Variants in SLC25A21 observed in about 807,000 individuals in gnomAD.
SLC25A21 encodes solute carrier family 25 member 21.
A neutral mutation model predicts 43.8 loss-of-function variants in SLC25A21; 47 were observed. That is an observed-to-expected ratio of 1.07 (90% CI 0.85 to 1.37). SLC25A21 has a LOEUF of 1.37. Among genes scored for constraint, SLC25A21 ranks in the 40% most tolerant of loss-of-function variants. The probability of loss-of-function intolerance (pLI) is 0.00; values close to 1 mark genes in which losing one functional copy is unlikely to be tolerated. For synonymous variants in SLC25A21, 131 were observed against 121.3 expected (o/e 1.08, Z -0.52); for missense variants, 352 against 350.2 (o/e 1.00, Z -0.04).
chr14:36,915,764 T>C (rs1891814349), intron 1 of SLC25A21, among the ~76,000 whole-genome samples: 1 of 152,170 alleles, frequency 6.6e-6, no homozygotes, highest in Non-Finnish European at 1.5e-5. Context: ...GAGGTCAACA[T>C]TCTGTCTCAA....
chr14:36,994,186 C>T (rs1441121467), intron 1 of SLC25A21, among the ~76,000 whole-genome samples: 1 of 152,020 alleles, frequency 6.6e-6, no homozygotes, highest in Non-Finnish European at 1.5e-5. Flanking sequence ...GATGTCTTTC[C>T]CCAAACTACT....
chr14:36,904,353 T>C (rs1283292377), intron 1 of SLC25A21, among the ~76,000 whole-genome samples: 2 of 152,226 alleles, frequency 1.3e-5, no homozygotes, highest in African/African-American at 2.4e-5. Context: ...AAGAAAATTA[T>C]AAAATACAGA....
At chr14:36,979,351 T>C (rs1959964397) in intron 1 of SLC25A21, among the ~76,000 whole-genome samples, 3 of 149,316 alleles carry the variant, frequency 2.0e-5, no homozygotes, top group South Asian at 4.2e-4. Context: ...TTTACTGTTT[T>C]TGTTTGTTTG....
chr14:36,936,656 T>C (rs972025557), intron 1 of SLC25A21, among the ~76,000 whole-genome samples: 1 of 152,202 alleles, frequency 6.6e-6, no homozygotes, highest in Non-Finnish European at 1.5e-5. Flanking sequence ...TTGAATTTCA[T>C]TGGGTTTTAA....
At chr14:36,703,023 T>A (rs1883349387) in intron 7 of SLC25A21, among the ~76,000 whole-genome samples, 1 of 152,202 alleles carries the variant, frequency 6.6e-6, no homozygotes. Flanking sequence ...ATTTTATAGA[T>A]AATAGGTACT....
chr14:36,857,609 C>G (rs1486656851), intron 2 of SLC25A21, among the ~76,000 whole-genome samples: 1 of 152,224 alleles, frequency 6.6e-6, no homozygotes, highest in East Asian at 1.9e-4. Flanking sequence ...TTTACTTTAT[C>G]TCTGGTGATG....
chr14:36,721,428 C>T (rs1194768616), intron 6 of SLC25A21, among the ~76,000 whole-genome samples: 2 of 152,156 alleles, frequency 1.3e-5, no homozygotes, highest in South Asian at 2.1e-4. Flanking sequence ...CCAACCACTA[C>T]ACAGATGCCT....
chr14:36,687,566 G>A (rs992175930), intron 7 of SLC25A21, among the ~76,000 whole-genome samples: 3 of 152,182 alleles, frequency 2.0e-5, no homozygotes, highest in Non-Finnish European at 4.4e-5. Flanking sequence ...GGATGGCCAT[G>A]AGGCTATCAC....
chr14:36,730,206 T>C (rs1196759946), intron 4 of SLC25A21, among the ~76,000 whole-genome samples: 1 of 152,232 alleles, frequency 6.6e-6, no homozygotes, highest in African/African-American at 2.4e-5. Flanking sequence ...CGTGAAGGTA[T>C]TGTTGGTTTC....
chr14:36,885,630 G>T (rs895841222), intron 1 of SLC25A21, among the ~76,000 whole-genome samples: 1 of 152,244 alleles, frequency 6.6e-6, no homozygotes, highest in Admixed American at 6.5e-5. Context: ...TTGTCTTCAT[G>T]ATACTGTTTT....
In SLC25A21 at chr14:37,054,817, G is replaced by A. The variant is rs777284677; in HGVS notation, c.70+117464C>T. ...AACAATTTCTGATCCCCAATCTCTCGCAGCAAAATAATCTCAAAATTATGA... is the reference window on the plus strand; with the variant it reads ...AACAATTTCTGATCCCCAATCTCTCACAGCAAAATAATCTCAAAATTATGA... On this transcript the variant is annotated intron_variant, in intron 1 of 9. Transcript: ENST00000331299. Among the ~76,000 whole-genome samples, 120 of 152,212 alleles carry A rather than the reference G, an allele frequency of 7.9e-4. 1 individual carries two copies. The highest frequency in any genetic ancestry group is 7.2e-4 in the Admixed American group (11 of 15,292).
intron 2 of SLC25A21, among the ~76,000 whole-genome samples, chr14:36,824,914 T>C (rs1888770149): frequency 6.6e-6 from 1 of 150,822 alleles, no homozygotes; most frequent in Admixed American, 6.6e-5. Flanking sequence ...GGGTATAGAC[T>C]ATGAATGGAG....
intron 3 of SLC25A21, among the ~76,000 whole-genome samples, chr14:36,802,369 A>C (rs897600612): frequency 6.6e-6 from 1 of 152,192 alleles, no homozygotes; most frequent in Non-Finnish European, 1.5e-5. Flanking sequence ...TATTTACATA[A>C]CTATGAATAG....
At chr14:37,081,238 A>C (rs1349559950) in intron 1 of SLC25A21, among the ~76,000 whole-genome samples, 3 of 152,212 alleles carry the variant, frequency 2.0e-5, no homozygotes, top group Non-Finnish European at 4.4e-5. Context: ...CACTTTTTAA[A>C]TGGCCTAATC....
chr14:36,773,180 G>A (rs946086407), intron 3 of SLC25A21, among the ~76,000 whole-genome samples: 2 of 132,442 alleles, frequency 1.5e-5, no homozygotes, highest in African/African-American at 2.5e-5. Flanking sequence ...GACAGATTTC[G>A]AGAAGGAAAA....
chr14:37,018,244 G>A (rs1171619755), intron 1 of SLC25A21, among the ~76,000 whole-genome samples: 1 of 151,882 alleles, frequency 6.6e-6, no homozygotes, highest in Non-Finnish European at 1.5e-5. Flanking sequence ...TCTATTTACA[G>A]ACAAATGTCT....
rs144490817 is a variant in SLC25A21 at position 37,078,053 on chromosome 14, G to A, written c.70+94228C>T. ...GTTAATTTTACATAAACTAGAGACA[G>A]TGGATTTAAAAAAAGAAAGATGACA... On this transcript the variant is annotated intron_variant, in intron 1 of 9. Coordinates refer to ENST00000331299, the MANE Select transcript of SLC25A21 (RefSeq NM_030631.4). 6.1e-3 allele frequency among the ~76,000 whole-genome samples: 921 copies of A among 152,186 alleles called. 9 individuals carry two copies. The highest frequency in any genetic ancestry group is 0.014 in the Middle Eastern group (4 of 294).
intron 3 of SLC25A21, among the ~76,000 whole-genome samples, chr14:36,792,041 C>T (rs910013409): frequency 5.9e-5 from 9 of 152,008 alleles, no homozygotes; most frequent in Non-Finnish European, 8.8e-5. Flanking sequence ...AAAGACATTA[C>T]AAATTGTCTT....
chr14:36,774,383 T>C (rs1383988647), intron 3 of SLC25A21, among the ~76,000 whole-genome samples: 1 of 152,196 alleles, frequency 6.6e-6, no homozygotes, highest in African/African-American at 2.4e-5. Context: ...ATATTCCATG[T>C]GACATTGCAG....
Sources: gnomAD v4.1 joint callset for allele counts (sites outside exome capture counted in the v4.1 genomes callset) on GRCh38, gnomAD v4.1.1 for gene constraint, MANE v1.5 for transcripts, NCBI Gene and HGNC (gene_info 2026-07-23, HGNC 2026-07-21) for gene names.